DIP2C: variants seen among roughly 807,000 people sequenced by gnomAD.
DIP2C encodes disco-interacting protein 2 homolog C.
A neutral mutation model predicts 192.4 loss-of-function variants in DIP2C; 33 were observed. The observed-to-expected ratio is 0.17, with a 90% CI of 0.13 to 0.23. The LOEUF (loss-of-function observed/expected upper bound fraction) is 0.23, where lower values mean the gene tolerates loss of function less well. Among genes scored for constraint, DIP2C ranks in the 10% least tolerant of loss-of-function variants. The pLI is 1.00. For synonymous variants in DIP2C, 979 were observed against 864.1 expected, an observed-to-expected ratio of 1.13 and a Z score of -2.33; for missense variants, 1,537 against 2,110.1, an observed-to-expected ratio of 0.73 and a Z score of 5.32.
chr10:305,064 C>T (rs1030245787), intron 32 of DIP2C, among the ~76,000 whole-genome samples: 9 of 146,772 alleles, frequency 6.1e-5, no homozygotes, highest in Non-Finnish European at 1.0e-4. Context: ...ACACACTACA[C>T]TCATGCACAT....
At chr10:458,991 CAAAAA>C (rs35681631) in intron 3 of DIP2C, among the ~76,000 whole-genome samples, 4 of 102,736 alleles carry the variant, frequency 3.9e-5, no homozygotes, top group African/African-American at 1.4e-4. Context: ...TCAACTTTTT[CAAAAA>C]AAAAAAAAAA....
In DIP2C at chr10:374,038, G is replaced by C. The variant is rs565410010; in HGVS notation, c.1992-4405C>G. ...ACCCCAACAACCTGGTGTTGGATCTGATCACCCCAACATTCTAAAACTCAC... is the reference window on the plus strand; with the variant it reads ...ACCCCAACAACCTGGTGTTGGATCTCATCACCCCAACATTCTAAAACTCAC... On this transcript the variant is annotated intron_variant, in intron 17 of 36. Coordinates refer to ENST00000280886, the MANE Select transcript of DIP2C (RefSeq NM_014974.3). Among the ~76,000 whole-genome samples, 4 of 152,216 alleles carry C rather than the reference G, an allele frequency of 2.6e-5. No homozygotes were observed. In the East Asian group the frequency reaches 7.7e-4, roughly 29 times the overall value.
chr10:458,991 C>CA (rs35681631), intron 3 of DIP2C, among the ~76,000 whole-genome samples: 7,275 of 102,284 alleles, frequency 0.071, 477 homozygotes, highest in African/African-American at 0.2. Context: ...TCAACTTTTT[C>CA]AAAAAAAAAA....
intron 1 of DIP2C, among the ~76,000 whole-genome samples, chr10:534,988 T>C (rs1588411252): frequency 6.6e-6 from 1 of 152,192 alleles, no homozygotes; most frequent in East Asian, 1.9e-4. Flanking sequence ...GATGATTATT[T>C]TTAACAATAG....
At chr10:436,928 T>C (rs1967285423) in intron 4 of DIP2C, among the ~76,000 whole-genome samples, 1 of 139,896 alleles carries the variant, frequency 7.1e-6, no homozygotes, top group Non-Finnish European at 1.5e-5. Context: ...CTCCTGGACG[T>C]GGTAGGGTGA....
intron 1 of DIP2C, among the ~76,000 whole-genome samples, chr10:643,440 G>C (rs946805811): frequency 3.3e-5 from 5 of 151,964 alleles, no homozygotes; most frequent in Middle Eastern, 3.2e-3. Context: ...CACGAACCCG[G>C]GAGGCGGAGC....
chr10:518,677 T>C (rs1483394895), intron 1 of DIP2C, among the ~76,000 whole-genome samples: 3 of 152,160 alleles, frequency 2.0e-5, no homozygotes, highest in Non-Finnish European at 4.4e-5. Flanking sequence ...CCTCCAGAAC[T>C]GTGAGAAACA....
intron 1 of DIP2C, among the ~76,000 whole-genome samples, chr10:502,497 CAA>C (rs1192283801): frequency 1.3e-5 from 2 of 152,074 alleles, no homozygotes; most frequent in Non-Finnish European, 2.9e-5. Flanking sequence ...ATGTTAAACT[CAA>C]AGCCAGAAAA....
intron 1 of DIP2C, among the ~76,000 whole-genome samples, chr10:566,064 A>G (rs1849452436): frequency 6.6e-6 from 1 of 152,224 alleles, no homozygotes; most frequent in Non-Finnish European, 1.5e-5. Flanking sequence ...AAAACAAAAC[A>G]AAAAAACCAC....
intron 3 of DIP2C, among the ~76,000 whole-genome samples, chr10:472,132 G>A (rs568132391): frequency 6.6e-6 from 1 of 152,236 alleles, no homozygotes; most frequent in South Asian, 2.1e-4. Flanking sequence ...AACTATACTA[G>A]CAACCACGAT....
intron 1 of DIP2C, among the ~76,000 whole-genome samples, chr10:605,944 T>A (rs1403594208): frequency 6.6e-6 from 1 of 152,190 alleles, no homozygotes; most frequent in Admixed American, 6.5e-5. Context: ...TGCATCCTGC[T>A]GGGCCCATCT....
intron 3 of DIP2C, among the ~76,000 whole-genome samples, chr10:447,672 T>A (rs370828764): frequency 1.6e-5 from 2 of 124,122 alleles, no homozygotes; most frequent in South Asian, 5.1e-4. Flanking sequence ...ATCACCCCCA[T>A]TGATATTCAG....
rs1294115508 is a variant in DIP2C, at chr10:348,772, G to T, written c.3110-10C>A. 4.3e-6 allele frequency: 7 copies of T among 1,612,654 alleles called. No homozygotes were observed. In the South Asian group the frequency reaches 7.7e-5, roughly 18 times the overall value. ...GCTATCAGGTCTATTCCTACACAAG[G>T]AGAGAAACATCATCATTGAAGCAGA... On this transcript the variant is annotated splice_polypyrimidine_tract_variant and intron_variant, in intron 25 of 36. Transcript: ENST00000280886.
At chr10:310,780 C>T (rs764954205) in intron 31 of DIP2C, among the ~76,000 whole-genome samples, 10 of 152,272 alleles carry the variant, frequency 6.6e-5, no homozygotes, top group Non-Finnish European at 8.8e-5. Context: ...TGACTTCTGA[C>T]CAGTGACCTC....
Position 421,826 on chromosome 10 carries a change from G to A in DIP2C, c.604+998C>T, listed in dbSNP as rs1380386814. Among the ~76,000 whole-genome samples, 3 of 152,282 alleles carry A rather than the reference G, an allele frequency of 2.0e-5. No homozygotes were observed. The East Asian group carries it at 5.8e-4, about 29-fold the overall frequency. The stretch of plus-strand genomic sequence containing the variant: ...CAGCAGCAGTTATTGGGAAAAGTGA[G>A]ACAGACCCAGCTCTCCTGCCAGCAA... On this transcript the variant is annotated intron_variant, in intron 5 of 36. Transcript: ENST00000280886.
At chr10:443,089 C>T (rs1024094996) in intron 3 of DIP2C, among the ~76,000 whole-genome samples, 3 of 152,116 alleles carry the variant, frequency 2.0e-5, no homozygotes, top group Admixed American at 6.6e-5. Flanking sequence ...ATGTTAATGT[C>T]GGCAACTCAG....
At chr10:612,976 G>A (rs1853203632) in intron 1 of DIP2C, among the ~76,000 whole-genome samples, 2 of 152,126 alleles carry the variant, frequency 1.3e-5, no homozygotes, top group Non-Finnish European at 2.9e-5. Flanking sequence ...ACGTTGAGCT[G>A]GCTGCAGCAG....
Position 417,984 on chromosome 10 carries a change from C to A in DIP2C, c.739+1081G>T, listed in dbSNP as rs924756285. On this transcript the variant is annotated intron_variant, in intron 6 of 36. Transcript: ENST00000280886. Reference sequence around the variant, plus strand: ...TGCACCTGTCAGGGCTCGGATAGGCCTCCCTGTCCACCTGCACCTGTCAGG... The same window carrying A: ...TGCACCTGTCAGGGCTCGGATAGGCATCCCTGTCCACCTGCACCTGTCAGG... 1.2e-4 allele frequency among the ~76,000 whole-genome samples: 13 copies of A among 104,910 alleles called. 3 individuals carry two copies. The highest frequency in any genetic ancestry group is 4.2e-4 in the East Asian group (1 of 2,398). The allele number at this position is 104,910 out of a possible 152,430, so 68.8% of individuals were successfully genotyped here. A position where few individuals can be genotyped will look rare whatever the true frequency, so the allele number is the denominator to read the frequency against.
intron 1 of DIP2C, chr10:641,809 T>C (rs958739807): frequency 1.3e-5 from 2 of 153,554 alleles, no homozygotes; most frequent in African/African-American, 4.8e-5. Context: ...GCAGAAGAAA[T>C]GCTGGAATTC....
Sources: allele counts gnomAD v4.1 joint callset (sites outside exome capture counted in the v4.1 genomes callset), GRCh38; gene constraint gnomAD v4.1.1; transcripts MANE v1.5; gene names NCBI Gene and HGNC (gene_info 2026-07-23, HGNC 2026-07-21).